The following KLHL6 variants were observed in gnomAD, a reference collection of about 807,000 sequenced individuals.
The protein encoded by KLHL6 is kelch like family member 6.
Under a neutral mutation model 58.6 loss-of-function variants are expected in KLHL6, and 41 were observed. The observed-to-expected ratio is 0.70, with a 90% CI of 0.55 to 0.91. KLHL6 has a LOEUF of 0.91. KLHL6 is among the 40% of genes least tolerant of loss of function. The pLI, the probability that KLHL6 is intolerant of heterozygous loss-of-function variation, is 0.00. For synonymous variants in KLHL6, 338 were observed against 322.7 expected, an observed-to-expected ratio of 1.05 and a Z score of -0.51; for missense variants, 714 against 805.6, an observed-to-expected ratio of 0.89 and a Z score of 1.38.
intron 2 of KLHL6, among the ~76,000 whole-genome samples, chr3:183,517,039 G>A (rs368278951): frequency 6.6e-6 from 1 of 152,126 alleles, no homozygotes; most frequent in Admixed American, 6.5e-5. Flanking sequence ...CTCCCGAGTA[G>A]CTGGGATTAC....
At chr3:183,503,715 G>T (rs1427156136) in intron 3 of KLHL6, among the ~76,000 whole-genome samples, 1 of 152,184 alleles carries the variant, frequency 6.6e-6, no homozygotes, top group Non-Finnish European at 1.5e-5. Context: ...GGAGGCAGAG[G>T]TTGCAGTGAG....
chr3:183,533,079 A>G (rs1483481751), intron 1 of KLHL6, among the ~76,000 whole-genome samples: 2 of 152,160 alleles, frequency 1.3e-5, no homozygotes, highest in Non-Finnish European at 2.9e-5. Context: ...CAGGTTAGGG[A>G]GCCGTTATCT....
rs1456091563 is a variant in KLHL6 at position 183,489,826 on chromosome 3, A to G, written c.*2101T>C. 1 of 152,210 alleles carries G rather than the reference A, an allele frequency of 6.6e-6. No homozygotes were observed. The highest frequency in any genetic ancestry group is 1.5e-5 in the Non-Finnish European group (1 of 68,032). The allele number at this position is 152,210 out of a possible 1,614,324, so 9.4% of individuals were successfully genotyped here. On this transcript the variant is annotated 3_prime_UTR_variant, in exon 7 of 7. Coordinates refer to ENST00000341319, the MANE Select transcript of KLHL6 (RefSeq NM_130446.4). Reference sequence around the variant, plus strand: ...CAGAAATCTCACCTGTAATTTTTCAAGTTTTTAAAATCTGTTTCAAATATT... The same window carrying G: ...CAGAAATCTCACCTGTAATTTTTCAGGTTTTTAAAATCTGTTTCAAATATT...
chr3:183,528,580 C>T (rs2108685813), intron 1 of KLHL6, among the ~76,000 whole-genome samples: 1 of 152,332 alleles, frequency 6.6e-6, no homozygotes, highest in South Asian at 2.1e-4. Context: ...GCCTTTCCTG[C>T]TCCCTCCCCA....
intron 2 of KLHL6, among the ~76,000 whole-genome samples, chr3:183,513,944 C>G (rs1718259125): frequency 6.6e-6 from 1 of 152,190 alleles, no homozygotes; most frequent in Non-Finnish European, 1.5e-5. Flanking sequence ...TTGTTCAACT[C>G]CCACTTATGA....
At chr3:183,531,595 T>C (rs141825033) in intron 1 of KLHL6, among the ~76,000 whole-genome samples, 8,946 of 151,864 alleles carry the variant, frequency 0.059, 820 homozygotes, top group African/African-American at 0.2. Flanking sequence ...TACAGGCTCC[T>C]GCCACCACGC....
rs1052900956 is a variant in KLHL6, at chr3:183,488,003, C to T, written c.*3924G>A. 11 of 152,310 alleles carry T rather than the reference C, an allele frequency of 7.2e-5. No homozygotes were observed. Among genetic ancestry groups the T allele is most frequent in the Admixed American group, 7.2e-4 (11 of 15,288 alleles). The allele number at this position is 152,310 out of a possible 1,614,324, so 9.4% of individuals were successfully genotyped here. ...CTATAAATAGCTAAGCTATACTTTA[C>T]AGCTATAAGAACGTGATATTTGTAT... On this transcript the variant is annotated 3_prime_UTR_variant, in exon 7 of 7. Coordinates refer to ENST00000341319, the MANE Select transcript of KLHL6 (RefSeq NM_130446.4).
At position 183,490,003 on chromosome 3, in the gene KLHL6, A is replaced by T. The variant is rs1717500266; in HGVS notation, c.*1924T>A. The T allele has an allele frequency of 6.6e-6, 1 of 152,220 alleles. No individual in the cohort carries two copies. Among genetic ancestry groups the T allele is most frequent in the Non-Finnish European group, 1.5e-5 (1 of 68,036 alleles). 9.4% of individuals were successfully genotyped at this position (152,220 alleles called of 1,614,324 possible). The stretch of plus-strand genomic sequence containing the variant: ...AAATCATATGATGAAAATAAAGTCC[A>T]TTGGGTAACGCAGTTACTATGTTGT... On this transcript the variant is annotated 3_prime_UTR_variant, in exon 7 of 7. Coordinates refer to ENST00000341319, the MANE Select transcript of KLHL6 (RefSeq NM_130446.4).
intron 1 of KLHL6, among the ~76,000 whole-genome samples, chr3:183,534,890 G>T: frequency 6.7e-6 from 1 of 148,352 alleles, no homozygotes. Context: ...ATGTATATAT[G>T]TATATATGTA....
At position 183,492,162 on chromosome 3, in the gene KLHL6, A is replaced by C; in HGVS notation, c.1631T>G (p.Leu544Arg). Residue 544 changes from leucine (L) to arginine (R), a missense_variant, in exon 7 of 7, where the codon CTC becomes CGC. By Grantham distance (102) the Leu-to-Arg change is moderately radical. Coordinates refer to ENST00000341319, the MANE Select transcript of KLHL6 (RefSeq NM_130446.4). The surrounding 1 kb of genome is among the most constrained non-coding windows in gnomAD (Gnocchi z 5.9). The stretch of plus-strand genomic sequence containing the variant: ...ACCGCAGCTGGCCCGCTCGTGGCTG[A>C]GCTGGGTCACCAGGCACCAGCTGTC... ...LEDSWCLVTQ[L>R]SHERASCGIA... The C allele has an allele frequency of 6.2e-7, 1 of 1,613,328 alleles. No individual in the cohort carries two copies. Among genetic ancestry groups the C allele is most frequent in the Non-Finnish European group, 8.5e-7 (1 of 1,179,920 alleles).
Position 183,491,970 on chromosome 3 carries a change from TACG to T in KLHL6, c.1820_1822del (p.Ser607del). ...GGGCACGATCCTGCGGATGTGGGTG[TACG>T]ACTTCCTGATGGTGACGCTGCCGTG... is the stretch of plus-strand genomic sequence containing the variant. On this transcript the variant is annotated inframe_deletion, in exon 7 of 7. Coordinates refer to ENST00000341319, the MANE Select transcript of KLHL6 (RefSeq NM_130446.4). 6.4e-7 allele frequency: 1 copy of T among 1,563,144 alleles called. No individual in the cohort carries two copies. Among genetic ancestry groups the T allele is most frequent in the Non-Finnish European group, 8.7e-7 (1 of 1,152,800 alleles).
Position 183,508,070 on chromosome 3 carries a change from A to C in KLHL6, c.898T>G (p.Ser300Ala). The change falls in exon 3 of 7, where the codon TCT becomes GCT. Residue 300 changes from serine to alanine, a missense_variant. Around this residue, in one of 2 missense-constraint regions of KLHL6, gnomAD observed 510 missense variants for 629.7 expected, o/e 0.81. Transcript: ENST00000341319. ...TATCTTCTACTCACCTCATTGCCAG[A>C]AAGGTGGTACATCCTGGCTTCCTGG... The part of the protein sequence containing the change: ...LLQEARMYHL[S>A]GNEIISERTK... 6 of 1,613,508 alleles carry C rather than the reference A, an allele frequency of 3.7e-6. No homozygotes were observed. Among genetic ancestry groups the C allele is most frequent in the Non-Finnish European group, 5.1e-6 (6 of 1,179,488 alleles).
At chr3:183,526,022 T>C (rs1466186649) in intron 2 of KLHL6, among the ~76,000 whole-genome samples, 1 of 152,156 alleles carries the variant, frequency 6.6e-6, no homozygotes, top group African/African-American at 2.4e-5. Context: ...AATAAATAAT[T>C]TTTTGCCGGG....
Position 183,491,263 on chromosome 3 carries a change from C to T in KLHL6, c.*664G>A, listed in dbSNP as rs1400473886. 4 of 152,234 alleles carry T rather than the reference C, an allele frequency of 2.6e-5. No individual in the cohort carries two copies. Among genetic ancestry groups the T allele is most frequent in the Non-Finnish European group, 5.9e-5 (4 of 68,084 alleles). 9.4% of individuals were successfully genotyped at this position (152,234 alleles called of 1,614,324 possible). ...TAGCTGGAATTACAGGCGCCTGCCA[C>T]TGCACGCGGCTAATTTTTGTATTTT... On this transcript the variant is annotated 3_prime_UTR_variant, in exon 7 of 7. Coordinates refer to ENST00000341319, the MANE Select transcript of KLHL6 (RefSeq NM_130446.4).
chr3:183,545,091 C>T (rs1378389331), intron 1 of KLHL6, among the ~76,000 whole-genome samples: 1 of 152,152 alleles, frequency 6.6e-6, no homozygotes, highest in Non-Finnish European at 1.5e-5. Flanking sequence ...AGAAAGAGCA[C>T]GCAGGCTGCA....
chr3:183,539,943 A>G (rs982660747), intron 1 of KLHL6, among the ~76,000 whole-genome samples: 1 of 152,210 alleles, frequency 6.6e-6, no homozygotes, highest in South Asian at 2.1e-4. Context: ...AAGATCAGAC[A>G]AGAAAGAACA....
At chr3:183,514,890 G>A (rs558345563) in intron 2 of KLHL6, among the ~76,000 whole-genome samples, 4 of 152,112 alleles carry the variant, frequency 2.6e-5, no homozygotes, top group Non-Finnish European at 4.4e-5. Context: ...TTCTGGTCTC[G>A]AACTCCTAAC....
chr3:183,509,641 G>A (rs1235886969), intron 2 of KLHL6, among the ~76,000 whole-genome samples: 1 of 152,160 alleles, frequency 6.6e-6, no homozygotes, highest in Admixed American at 6.5e-5. Flanking sequence ...GCCCTTACCT[G>A]AGACATGCTG....
In KLHL6 at chr3:183,508,338, A is replaced by C; in HGVS notation, c.630T>G (p.Phe210Leu). The change falls in exon 3 of 7, where the codon TTT (phenylalanine) becomes TTG (leucine). Residue 210 changes from phenylalanine (F) to leucine (L), a missense_variant. Physicochemically the swap from Phe to Leu is conservative, Grantham distance 22 (BLOSUM62 0). Around this residue, in one of 2 missense-constraint regions of KLHL6, gnomAD observed 510 missense variants for 629.7 expected, o/e 0.81. Coordinates refer to ENST00000341319, the MANE Select transcript of KLHL6 (RefSeq NM_130446.4). ...NFVQILNSEE[F>L]LDLPVDTLHH... ...GCAGAGTGTCCACGGGCAGGTCAAGAAACTCCTCAGAGTTCAGAATCTGCA... is the reference window on the plus strand; with the variant it reads ...GCAGAGTGTCCACGGGCAGGTCAAGCAACTCCTCAGAGTTCAGAATCTGCA... 6.2e-7 allele frequency: 1 copy of C among 1,614,220 alleles called. No individual in the cohort carries two copies. The highest frequency in any genetic ancestry group is 1.1e-5 in the South Asian group (1 of 91,084).
Sources: gnomAD v4.1 joint callset for allele counts (sites outside exome capture counted in the v4.1 genomes callset) on GRCh38, gnomAD v4.1.1 for gene constraint, gnomAD v4.1.1 regional missense constraint, Gnocchi (gnomAD v3.1) non-coding constraint, MANE v1.5 for transcripts, NCBI Gene and HGNC (gene_info 2026-07-23, HGNC 2026-07-21) for gene names.